AJAP1: variants seen among roughly 807,000 people sequenced by gnomAD.
The protein encoded by AJAP1 is adherens junction-associated protein 1.
Under a neutral mutation model 35.0 loss-of-function variants are expected in AJAP1, and 5 were observed. That is an observed-to-expected ratio of 0.14 (90% CI 0.07 to 0.30). AJAP1 has a LOEUF of 0.30. Among genes scored for constraint, AJAP1 ranks in the 10% least tolerant of loss-of-function variants. The probability of loss-of-function intolerance (pLI) is 1.00; values close to 1 mark genes in which losing one functional copy is unlikely to be tolerated. For missense variants in AJAP1, 586 were observed against 571.0 expected (o/e 1.03, Z -0.27); for synonymous variants, 284 against 249.3 (o/e 1.14, Z -1.31).
chr1:4,772,461 G>T lies in AJAP1; in HGVS notation c.1099G>T (p.Val367Leu). 6.2e-7 allele frequency: 1 copy of T among 1,614,210 alleles called. No homozygotes were observed. The highest frequency in any genetic ancestry group is 2.2e-5 in the East Asian group (1 of 44,874). Residue 367 changes from valine to leucine, a missense_variant, in exon 4 of 6, where the codon GTG becomes TTG. Transcript: ENST00000378191. Reference protein sequence around the residue: ...SHECVRASVPVYTDETLHSTT... With the variant: ...SHECVRASVPLYTDETLHSTT... Reference sequence around the variant, plus strand: ...CGAGTGCGTCAGGGCATCTGTGCCCGTGTACACCGATGAGACGCTGCACTC... The same window carrying T: ...CGAGTGCGTCAGGGCATCTGTGCCCTTGTACACCGATGAGACGCTGCACTC...
intron 2 of AJAP1, among the ~76,000 whole-genome samples, chr1:4,750,492 C>T (rs364642): frequency 0.77 from 117,817 of 152,048 alleles, 46,934 homozygotes; most frequent in African/African-American, 0.84. Flanking sequence ...GCCACAGCCT[C>T]TGCAGACAGA....
chr1:4,683,710 C>G (rs987708257), intron 1 of AJAP1, among the ~76,000 whole-genome samples: 2 of 152,206 alleles, frequency 1.3e-5, no homozygotes, highest in African/African-American at 4.8e-5. Flanking sequence ...AACAAGCTGT[C>G]ACAGCACCTT....
At chr1:4,678,400 G>T (rs1639406576) in intron 1 of AJAP1, among the ~76,000 whole-genome samples, 1 of 152,202 alleles carries the variant, frequency 6.6e-6, no homozygotes. Context: ...TGGGCCCTGT[G>T]CAAGGCTGAA....
intron 1 of AJAP1, among the ~76,000 whole-genome samples, chr1:4,680,480 TG>T (rs1204670027): frequency 6.6e-6 from 1 of 152,140 alleles, no homozygotes. Flanking sequence ...CACCCTCCTA[TG>T]GGAGACAGAG....
chr1:4,706,590 TC>T (rs1272899359), intron 1 of AJAP1, among the ~76,000 whole-genome samples: 1 of 152,144 alleles, frequency 6.6e-6, no homozygotes, highest in Non-Finnish European at 1.5e-5. Flanking sequence ...TCTGGGCTGT[TC>T]CCCGGTGGAA....
chr1:4,710,102 G>T (rs925662243), intron 1 of AJAP1, among the ~76,000 whole-genome samples: 1 of 151,624 alleles, frequency 6.6e-6, no homozygotes, highest in Non-Finnish European at 1.5e-5. Flanking sequence ...AGATACACTC[G>T]CATGCTCACA....
intron 2 of AJAP1, among the ~76,000 whole-genome samples, chr1:4,756,112 C>T (rs1039500696): frequency 3.3e-5 from 5 of 152,152 alleles, no homozygotes; most frequent in East Asian, 1.9e-4. Context: ...ATGAGAGTTT[C>T]GCCAGGCAGA....
chr1:4,716,076 A>G (rs1417234263), intron 2 of AJAP1, among the ~76,000 whole-genome samples: 2 of 152,206 alleles, frequency 1.3e-5, no homozygotes, highest in African/African-American at 4.8e-5. Context: ...GACATATCAT[A>G]TTTTTCTATC....
rs1642179244 is a variant in AJAP1 at position 4,787,563 on chromosome 1, C to T, written c.*5078C>T. 2.5e-6 allele frequency: 1 copy of T among 406,908 alleles called. No individual in the cohort carries two copies. The highest frequency in any genetic ancestry group is 4.9e-6 in the Non-Finnish European group (1 of 203,558). 25.2% of individuals were successfully genotyped at this position (406,908 alleles called of 1,614,324 possible). ...GTTGTTACGACGCCTGGTTCTCCAC[C>T]AAATTCCTCTGTCATTCCAGCAAGA... On this transcript the variant is annotated 3_prime_UTR_variant, in exon 6 of 6. Coordinates refer to ENST00000378191, the MANE Select transcript of AJAP1 (RefSeq NM_018836.4).
chr1:4,778,920 C>T (rs1445192601), intron 5 of AJAP1, among the ~76,000 whole-genome samples: 1 of 152,190 alleles, frequency 6.6e-6, no homozygotes, highest in Non-Finnish European at 1.5e-5. Flanking sequence ...TTCCCTACTC[C>T]GGGCCAGGCA....
intron 5 of AJAP1, among the ~76,000 whole-genome samples, chr1:4,776,149 G>A (rs868043527): frequency 2.2e-4 from 34 of 152,364 alleles, no homozygotes; most frequent in Admixed American, 3.9e-4. Flanking sequence ...GGACAGCCCC[G>A]TAATACGGAT....
intron 2 of AJAP1, among the ~76,000 whole-genome samples, chr1:4,729,118 C>T (rs151233431): frequency 7.2e-5 from 11 of 152,338 alleles, no homozygotes; most frequent in East Asian, 1.9e-4. Context: ...CACCAAGAGA[C>T]GGATCATTAA....
chr1:4,726,565 A>G, intron 2 of AJAP1, among the ~76,000 whole-genome samples: 1 of 152,010 alleles, frequency 6.6e-6, no homozygotes, highest in East Asian at 1.9e-4. Flanking sequence ...TCAGGTTCTG[A>G]ACACCCAGAG....
At chr1:4,742,270 C>T (rs1406794389) in intron 2 of AJAP1, among the ~76,000 whole-genome samples, 3 of 152,182 alleles carry the variant, frequency 2.0e-5, no homozygotes, top group Non-Finnish European at 4.4e-5. Flanking sequence ...TCAGCTCCTG[C>T]GCTGCCTGAT....
At chr1:4,719,517 G>T (rs1379995911) in intron 2 of AJAP1, among the ~76,000 whole-genome samples, 1 of 152,148 alleles carries the variant, frequency 6.6e-6, no homozygotes, top group South Asian at 2.1e-4. Flanking sequence ...GAGCCCTGGG[G>T]TGGATAGGGG....
At chr1:4,765,649 A>T (rs1641667857) in intron 2 of AJAP1, among the ~76,000 whole-genome samples, 1 of 152,230 alleles carries the variant, frequency 6.6e-6, no homozygotes, top group African/African-American at 2.4e-5. Context: ...GTTTGGCAAG[A>T]TGCTATTTCT....
chr1:4,781,639 C>G (rs1412347298), intron 5 of AJAP1, among the ~76,000 whole-genome samples: 1 of 152,212 alleles, frequency 6.6e-6, no homozygotes, highest in Non-Finnish European at 1.5e-5. Context: ...GTTGAGGGTC[C>G]TGATTGCCTG....
intron 2 of AJAP1, among the ~76,000 whole-genome samples, chr1:4,740,757 G>C (rs1224219854): frequency 8.5e-6 from 1 of 117,804 alleles, no homozygotes; most frequent in Non-Finnish European, 1.6e-5. Flanking sequence ...CTGCACTCCA[G>C]CCTGGGCAAC....
chr1:4,791,778 A>G lies in AJAP1; in HGVS notation c.*9293A>G, dbSNP rs1191522036. 1 of 152,240 alleles carries G rather than the reference A, an allele frequency of 6.6e-6. No individual in the cohort carries two copies. Among genetic ancestry groups the G allele is most frequent in the Non-Finnish European group, 1.5e-5 (1 of 68,044 alleles). The allele number at this position is 152,240 out of a possible 1,614,324, so 9.4% of individuals were successfully genotyped here. On this transcript the variant is annotated 3_prime_UTR_variant, in exon 6 of 6. Coordinates refer to ENST00000378191, the MANE Select transcript of AJAP1 (RefSeq NM_018836.4). ...TGGGGCATCTGTCTAAGAGTCACAGATCTGAGAAATAGAAGGACCAGGTCC... is the reference window on the plus strand; with the variant it reads ...TGGGGCATCTGTCTAAGAGTCACAGGTCTGAGAAATAGAAGGACCAGGTCC...
Sources: gnomAD v4.1 joint callset for allele counts (sites outside exome capture counted in the v4.1 genomes callset) on GRCh38, gnomAD v4.1.1 for gene constraint, MANE v1.5 for transcripts, NCBI Gene and HGNC (gene_info 2026-07-23, HGNC 2026-07-21) for gene names.